Variants in NDUFAF6 observed in about 807,000 individuals in gnomAD.
NDUFAF6 encodes NADH dehydrogenase (ubiquinone) complex I, assembly factor 6.
In NDUFAF6, 45 loss-of-function variants were observed where a neutral mutation model predicts 40.8. The observed-to-expected ratio is 1.10, with a 90% CI of 0.87 to 1.42. The LOEUF (loss-of-function observed/expected upper bound fraction) is 1.42. NDUFAF6 is among the 40% of genes most tolerant of loss of function. The pLI is 0.00. For missense variants in NDUFAF6, 435 were observed against 418.5 expected (o/e 1.04, Z -0.34); for synonymous variants, 185 against 155.9 (o/e 1.19, Z -1.39).
At chr8:94,954,921 A>G (rs1384496809), upstream of NDUFAF6, among the ~76,000 whole-genome samples, 6 of 152,234 alleles carry the variant, frequency 3.9e-5, no homozygotes, top group African/African-American at 1.4e-4. Context: ...GAGCCCTGAG[A>G]ACAGGTCTCA....
chr8:95,045,772 AAC>A (rs1830675868), intron 5 of NDUFAF6, 125 bp downstream of exon 5: 1 of 697,940 alleles, frequency 1.4e-6, no homozygotes, highest in South Asian at 1.8e-5. Context: ...TCTGTAAAGG[AAC>A]AGTTTTTTTT....
Position 95,058,652 on chromosome 8 carries a change from T to TTGAAACTGAGG in NDUFAF6, c.*715_*716insTGAAACTGAGG, listed in dbSNP as rs1832470025. Reference sequence around the variant, plus strand: ...TGAACAAAATTGTACTGAGAAAGTTTGTATAAGTGATATGAACGGTATTGT... The same window carrying TTGAAACTGAGG: ...TGAACAAAATTGTACTGAGAAAGTTTTGAAACTGAGGGTATAAGTGATATGAACGGTATTGT... On this transcript the variant is annotated 3_prime_UTR_variant, in exon 9 of 9. Coordinates refer to ENST00000396124, the MANE Select transcript of NDUFAF6 (RefSeq NM_152416.4). 1 of 1,084,262 alleles carries TTGAAACTGAGG rather than the reference T, an allele frequency of 9.2e-7. No individual in the cohort carries two copies. Among genetic ancestry groups the TTGAAACTGAGG allele is most frequent in the Non-Finnish European group, 1.1e-6 (1 of 895,348 alleles). 67.2% of individuals were successfully genotyped at this position (1,084,262 alleles called of 1,614,324 possible). A position where few individuals can be genotyped will look rare whatever the true frequency, so the allele number is the denominator to read the frequency against.
intron 2 of NDUFAF6, among the ~76,000 whole-genome samples, chr8:94,992,325 A>G (rs572635729): frequency 6.6e-6 from 1 of 152,020 alleles, no homozygotes; most frequent in South Asian, 2.1e-4. Flanking sequence ...CATGTCTACT[A>G]AAAATATAAA....
intron 1 of NDUFAF6, among the ~76,000 whole-genome samples, chr8:94,900,115 C>G (rs1296566229): frequency 6.6e-6 from 1 of 152,150 alleles, no homozygotes; most frequent in Non-Finnish European, 1.5e-5. Flanking sequence ...CACCTCTTCT[C>G]CAACTTATGC....
At chr8:95,104,568 TGTTTATGTA>T (rs1321716151), downstream of NDUFAF6, among the ~76,000 whole-genome samples, 2 of 152,216 alleles carry the variant, frequency 1.3e-5, no homozygotes, top group African/African-American at 4.8e-5. Flanking sequence ...CGTCTAAGGA[TGTTTATGTA>T]GTGAACAGCC....
chr8:95,005,553 A>AG (rs60157067), intron 2 of NDUFAF6, among the ~76,000 whole-genome samples: 1 of 124,368 alleles, frequency 8.0e-6, no homozygotes, highest in East Asian at 2.2e-4. Flanking sequence ...ATATATATAT[A>AG]AAAAATATAT....
intron 1 of NDUFAF6, among the ~76,000 whole-genome samples, chr8:94,922,287 G>A (rs1056254301): frequency 6.6e-6 from 1 of 151,888 alleles, no homozygotes; most frequent in Non-Finnish European, 1.5e-5. Flanking sequence ...TGGAATTACA[G>A]GCATGAACCA....
intron 2 of NDUFAF6, among the ~76,000 whole-genome samples, chr8:95,094,128 G>A (rs187736433): frequency 2.0e-5 from 3 of 152,048 alleles, no homozygotes; most frequent in Admixed American, 6.6e-5. Flanking sequence ...GCACCACCAC[G>A]CTTGGCTAAT....
downstream of NDUFAF6, among the ~76,000 whole-genome samples, chr8:95,105,156 C>A (rs1162763385): frequency 6.6e-6 from 1 of 150,858 alleles, no homozygotes; most frequent in Non-Finnish European, 1.5e-5. Flanking sequence ...GCCTCAGTTC[C>A]AGATGGCTTC....
At chr8:94,997,287 AAGACAC>A (rs1826474784) in intron 2 of NDUFAF6, among the ~76,000 whole-genome samples, 1 of 103,138 alleles carries the variant, frequency 9.7e-6, no homozygotes, top group African/African-American at 3.4e-5. Flanking sequence ...AGCAAGAAGA[AAGACAC>A]ACACACACAC....
chr8:95,022,875 T>C (rs558483543), upstream of NDUFAF6, among the ~76,000 whole-genome samples: 1 of 152,184 alleles, frequency 6.6e-6, no homozygotes, highest in South Asian at 2.1e-4. Context: ...CTAATCCCCC[T>C]CACGTGTCAT....
chr8:95,024,070 T>C (rs1052639842), upstream of NDUFAF6, among the ~76,000 whole-genome samples: 15 of 152,274 alleles, frequency 9.9e-5, no homozygotes, highest in African/African-American at 3.6e-4. Context: ...TACATCTTCC[T>C]AAGGACCTGA....
At chr8:94,966,452 G>T (rs755051501) in intron 1 of NDUFAF6, among the ~76,000 whole-genome samples, 2 of 152,144 alleles carry the variant, frequency 1.3e-5, no homozygotes, top group African/African-American at 2.4e-5. Context: ...AAATTAGCCA[G>T]GTGTGGTAGC....
intron 6 of NDUFAF6, 50 bp from the exon 7 acceptor site, chr8:95,048,407 G>C (rs1831047789): frequency 7.7e-7 from 1 of 1,305,820 alleles, no homozygotes; most frequent in South Asian, 1.2e-5. Context: ...GTGAACTGTT[G>C]GAAGGAAGTG....
chr8:95,059,895 C>T (rs1019600964), downstream of NDUFAF6, among the ~76,000 whole-genome samples: 6 of 151,894 alleles, frequency 4.0e-5, no homozygotes, highest in African/African-American at 9.7e-5. Flanking sequence ...GACATGTTTC[C>T]TCTTGGGATT....
chr8:94,992,635 G>A (rs888757128), intron 2 of NDUFAF6, among the ~76,000 whole-genome samples: 5 of 152,140 alleles, frequency 3.3e-5, no homozygotes, highest in Non-Finnish European at 7.4e-5. Flanking sequence ...GAATTATTTG[G>A]TGTGTCAATT....
chr8:95,116,516 C>G (rs945663013), downstream of NDUFAF6: 1 of 152,090 alleles, frequency 6.6e-6, no homozygotes, highest in African/African-American at 2.4e-5. Flanking sequence ...ACACAACCAG[C>G]TAATTTTTCT....
chr8:95,065,677 A>C (rs886126957), intron 9 of NDUFAF6, among the ~76,000 whole-genome samples: 6 of 151,246 alleles, frequency 4.0e-5, no homozygotes, highest in Middle Eastern at 3.4e-3. Context: ...TTAATAACCA[A>C]ATAAAGTTGC....
At chr8:94,911,628 G>C (rs1223971660) in intron 1 of NDUFAF6, among the ~76,000 whole-genome samples, 1 of 152,178 alleles carries the variant, frequency 6.6e-6, no homozygotes, top group African/African-American at 2.4e-5. Context: ...ATATACAATG[G>C]TACCTTGGCC....
Sources: allele counts gnomAD v4.1 joint callset (sites outside exome capture counted in the v4.1 genomes callset), GRCh38; gene constraint gnomAD v4.1.1; transcripts MANE v1.5; gene names NCBI Gene and HGNC (gene_info 2026-07-23, HGNC 2026-07-21).